Variants in DPY19L4 observed in about 807,000 individuals in gnomAD.
DPY19L4 encodes dpy-19 like 4, also known as probable C-mannosyltransferase DPY19L4.
In DPY19L4, 97 loss-of-function variants were observed where a neutral mutation model predicts 102.8. The ratio of observed to expected loss-of-function variants is 0.94; its 90% CI spans 0.80 to 1.12. The LOEUF is 1.12. DPY19L4 is among the 50% of genes most tolerant of loss of function. The pLI is 0.00. For synonymous variants in DPY19L4, 252 were observed against 283.1 expected, an observed-to-expected ratio of 0.89 and a Z score of 1.10; for missense variants, 815 against 850.4, an observed-to-expected ratio of 0.96 and a Z score of 0.52.
At chr8:94,778,234 CAAAAAA>C (rs35068675) in intron 14 of DPY19L4, among the ~76,000 whole-genome samples, 2 of 140,356 alleles carry the variant, frequency 1.4e-5, no homozygotes, top group African/African-American at 5.3e-5. Context: ...GACTTTGTCT[CAAAAAA>C]AAAAAATTCT....
At chr8:94,784,909 T>A (rs1813592669) in intron 17 of DPY19L4, among the ~76,000 whole-genome samples, 1 of 152,248 alleles carries the variant, frequency 6.6e-6, no homozygotes, top group Admixed American at 6.5e-5. Flanking sequence ...GATAATGTCT[T>A]ATTTTGAATG....
chr8:94,739,710 T>A lies in DPY19L4; in HGVS notation c.531T>A (p.Thr177=). 1 of 1,613,936 alleles carries A rather than the reference T, an allele frequency of 6.2e-7. No homozygotes were observed. Residue 177 remains threonine, a synonymous_variant, in exon 6 of 19, where the codon ACT becomes ACA. Coordinates refer to ENST00000414645, the MANE Select transcript of DPY19L4 (RefSeq NM_181787.3). ...TTGGATTGCAAGGAATATATGTTACTGCTTTATTTGTTACAAGTTGGCTTA... is the reference window on the plus strand; with the variant it reads ...TTGGATTGCAAGGAATATATGTTACAGCTTTATTTGTTACAAGTTGGCTTA... ...IVFGLQGIYV[T]ALFVTSWLMS...
At chr8:94,772,562 G>C (rs573364476) in intron 13 of DPY19L4, among the ~76,000 whole-genome samples, 2 of 152,346 alleles carry the variant, frequency 1.3e-5, no homozygotes, top group East Asian at 3.9e-4. Flanking sequence ...TCTCAGAAAC[G>C]ATGTGTGACA....
intron 13 of DPY19L4, among the ~76,000 whole-genome samples, chr8:94,773,819 G>C (rs1813042601): frequency 6.9e-6 from 1 of 145,138 alleles, no homozygotes; most frequent in South Asian, 2.1e-4. Context: ...ATGATCACTT[G>C]AGCCCAAGAG....
intron 2 of DPY19L4, among the ~76,000 whole-genome samples, chr8:94,726,749 T>C (rs80270986): frequency 0.012 from 1,809 of 152,302 alleles, 30 homozygotes; most frequent in African/African-American, 0.041. Context: ...TCTCTTAAAG[T>C]TTCTGCTGAC....
At position 94,770,567 on chromosome 8, in the gene DPY19L4, G is replaced by A; in HGVS notation, c.1450G>A (p.Glu484Lys). Residue 484 changes from glutamate (E) to lysine (K), a missense_variant, in exon 13 of 19, where the codon GAA (glutamate) becomes AAA (lysine). By Grantham distance (56) the Glu-to-Lys change is moderately conservative (BLOSUM62 1). Transcript: ENST00000414645. ...ATTGGGTTCTCTTGCAATGGTTATAGAAGGGTAAGTGTACTTTATTTGATC... is the reference window on the plus strand; with the variant it reads ...ATTGGGTTCTCTTGCAATGGTTATAAAAGGGTAAGTGTACTTTATTTGATC... The part of the protein sequence containing the change: ...ILLGSLAMVI[E>K]GLKYIWIPYV... 1 of 1,613,170 alleles carries A rather than the reference G, an allele frequency of 6.2e-7. No homozygotes were observed. Among genetic ancestry groups the A allele is most frequent in the Non-Finnish European group, 8.5e-7 (1 of 1,179,734 alleles).
intron 12 of DPY19L4, among the ~76,000 whole-genome samples, chr8:94,770,034 T>G (rs1812856223): frequency 6.6e-6 from 1 of 151,956 alleles, no homozygotes; most frequent in South Asian, 2.1e-4. Context: ...ATTACAGGCA[T>G]GTGCCACCAT....
At chr8:94,741,202 C>G (rs532081688) in intron 6 of DPY19L4, among the ~76,000 whole-genome samples, 1 of 152,234 alleles carries the variant, frequency 6.6e-6, no homozygotes, top group African/African-American at 2.4e-5. Flanking sequence ...AGATTGACTA[C>G]TGGTTTGGGG....
chr8:94,743,613 G>C (rs2130830021), intron 6 of DPY19L4, among the ~76,000 whole-genome samples: 1 of 152,198 alleles, frequency 6.6e-6, no homozygotes, highest in Middle Eastern at 3.4e-3. Context: ...TCCAGCCTGG[G>C]TGACAGAGAG....
chr8:94,773,713 A>T (rs1449551720), intron 13 of DPY19L4, among the ~76,000 whole-genome samples: 1 of 151,932 alleles, frequency 6.6e-6, no homozygotes, highest in Non-Finnish European at 1.5e-5. Flanking sequence ...TACAGGCATG[A>T]GCCACTGTGC....
rs1813245801 is a variant in DPY19L4, at chr8:94,777,690, T to A, written c.1479T>A (p.Tyr493Ter). Residue 493 changes from tyrosine (Y) to a stop codon, truncating the protein, a stop_gained, in exon 14 of 19, where the codon TAT becomes TAA. Transcript: ENST00000414645. LOFTEE classifies it high-confidence loss of function. Reference protein sequence around the residue: ...IEGLKYIWIPYVCMLAAFGVC... With the variant: ...IEGLKYIWIP Reference sequence around the variant, plus strand: ...GCTTGAAGTACATCTGGATTCCTTATGTGTGCATGTTAGCAGCATTTGGTG... The same window carrying A: ...GCTTGAAGTACATCTGGATTCCTTAAGTGTGCATGTTAGCAGCATTTGGTG... The A allele has an allele frequency of 1.2e-6, 2 of 1,613,638 alleles. No individual in the cohort carries two copies. The highest frequency in any genetic ancestry group is 1.7e-6 in the Non-Finnish European group (2 of 1,179,904).
At chr8:94,760,979 A>C (rs1200670750) in intron 7 of DPY19L4, among the ~76,000 whole-genome samples, 1 of 152,196 alleles carries the variant, frequency 6.6e-6, no homozygotes, top group Non-Finnish European at 1.5e-5. Context: ...GAAAGATAAT[A>C]CTTCTGTTGA....
At chr8:94,755,912 G>C in intron 6 of DPY19L4, 124 bp from the exon 7 acceptor site, 1 of 1,000,612 alleles carries the variant, frequency 1.0e-6, no homozygotes, top group Non-Finnish European at 1.4e-6. Flanking sequence ...TGGTGGATCT[G>C]GCTATGCCTA....
At chr8:94,732,527 T>C (rs1811007117) in intron 2 of DPY19L4, among the ~76,000 whole-genome samples, 1 of 152,172 alleles carries the variant, frequency 6.6e-6, no homozygotes, top group African/African-American at 2.4e-5. Context: ...ATCCTGTCTC[T>C]ACAAAAATAA....
Position 94,739,402 on chromosome 8 carries a change from T to G in DPY19L4, c.344-11T>G. 6.5e-7 allele frequency: 1 copy of G among 1,539,272 alleles called. No homozygotes were observed. Among genetic ancestry groups the G allele is most frequent in the Non-Finnish European group, 8.7e-7 (1 of 1,149,008 alleles). On this transcript the variant is annotated splice_polypyrimidine_tract_variant and intron_variant, in intron 4 of 18. Coordinates refer to ENST00000414645, the MANE Select transcript of DPY19L4 (RefSeq NM_181787.3). ...AATAAATAATCTGGAGAAAAATCTT[T>G]CTGTCTTTAGGTGTTTACGAACTGA...
At chr8:94,768,820 C>T (rs1402464892) in intron 12 of DPY19L4, among the ~76,000 whole-genome samples, 1 of 151,772 alleles carries the variant, frequency 6.6e-6, no homozygotes, top group African/African-American at 2.4e-5. Flanking sequence ...GGTGAAACCC[C>T]ATCTCTACTA....
chr8:94,759,224 C>T (rs188247096), intron 7 of DPY19L4, among the ~76,000 whole-genome samples: 3 of 152,262 alleles, frequency 2.0e-5, no homozygotes, highest in Admixed American at 2.0e-4. Context: ...CTTTTATTCC[C>T]TTATGTGTCC....
intron 3 of DPY19L4, among the ~76,000 whole-genome samples, chr8:94,735,170 C>G (rs192274413): frequency 1.3e-5 from 2 of 152,248 alleles, no homozygotes; most frequent in Non-Finnish European, 2.9e-5. Flanking sequence ...AAGATTTTGT[C>G]TCATATTACT....
chr8:94,775,234 C>T (rs1203353260), intron 13 of DPY19L4, among the ~76,000 whole-genome samples: 2 of 151,654 alleles, frequency 1.3e-5, no homozygotes, highest in Non-Finnish European at 2.9e-5. Context: ...GCTGGAGGCG[C>T]CATCTCGACT....
Sources: gnomAD v4.1 joint callset for allele counts (sites outside exome capture counted in the v4.1 genomes callset) on GRCh38, gnomAD v4.1.1 for gene constraint, MANE v1.5 for transcripts, NCBI Gene and HGNC (gene_info 2026-07-23, HGNC 2026-07-21) for gene names.